NR6A1: variants seen among roughly 807,000 people sequenced by gnomAD.
NR6A1 encodes the protein retinoic acid receptor-related testis-associated receptor.
In NR6A1, 7 loss-of-function variants were observed where a neutral mutation model predicts 59.1. That is an observed-to-expected ratio of 0.12 (90% CI 0.07 to 0.22). The LOEUF (loss-of-function observed/expected upper bound fraction) is 0.22. Ranked by LOEUF, NR6A1 falls within the 10% of genes least tolerant of loss-of-function variation. The probability of loss-of-function intolerance (pLI) is 1.00; values close to 1 mark genes in which losing one functional copy is unlikely to be tolerated. For missense variants in NR6A1, 468 were observed against 611.6 expected (o/e 0.77, Z 2.48); for synonymous variants, 243 against 236.1 (o/e 1.03, Z -0.27).
chr9:124,754,829 A>G (rs1202478359), intron 1 of NR6A1, among the ~76,000 whole-genome samples: 1 of 152,118 alleles, frequency 6.6e-6, no homozygotes, highest in African/African-American at 2.4e-5. Context: ...AAACTTTTGT[A>G]AAGTAATACA....
intron 2 of NR6A1, among the ~76,000 whole-genome samples, chr9:124,656,616 G>C (rs969414035): frequency 6.6e-6 from 1 of 152,144 alleles, no homozygotes; most frequent in African/African-American, 2.4e-5. Flanking sequence ...TGGATCACTT[G>C]AGATCACGAG....
rs1833264218 is a variant in NR6A1, at chr9:124,536,258, G to T, written c.825-126C>A. On this transcript the variant is annotated intron_variant, in intron 6 of 9. Coordinates refer to ENST00000487099, the MANE Select transcript of NR6A1 (RefSeq NM_033334.4). ...ATGGGCTCCTTGCTCCATGCCCACG[G>T]GTCTCCAGTTCCATTCAGTGTGATT... 4 of 1,046,476 alleles carry T rather than the reference G, an allele frequency of 3.8e-6. No individual in the cohort carries two copies. The East Asian group carries it at 7.2e-5, about 19-fold the overall frequency. 64.8% of individuals were successfully genotyped at this position (1,046,476 alleles called of 1,614,324 possible).
intron 2 of NR6A1, among the ~76,000 whole-genome samples, chr9:124,611,516 G>C (rs1243580155): frequency 6.6e-6 from 1 of 152,020 alleles, no homozygotes; most frequent in Non-Finnish European, 1.5e-5. Context: ...CAAGAGGATT[G>C]CTTGAGGCCA....
chr9:124,607,202 G>A (rs1835599893), intron 2 of NR6A1: 1 of 152,178 alleles, frequency 6.6e-6, no homozygotes, highest in Admixed American at 6.5e-5. Flanking sequence ...CCACTCACGA[G>A]GCTGAGGCAG....
chr9:124,529,177 T>C (rs900521748), intron 7 of NR6A1, among the ~76,000 whole-genome samples: 1 of 152,252 alleles, frequency 6.6e-6, no homozygotes, highest in Non-Finnish European at 1.5e-5. Context: ...ACATTCATAT[T>C]GAATAACCAC....
chr9:124,724,144 C>T (rs569332303), intron 2 of NR6A1, among the ~76,000 whole-genome samples: 2 of 152,036 alleles, frequency 1.3e-5, no homozygotes, highest in South Asian at 4.2e-4. Context: ...GACAATGTTC[C>T]CAATGTAATA....
intron 1 of NR6A1, among the ~76,000 whole-genome samples, chr9:124,752,859 A>G (rs1048173783): frequency 6.6e-6 from 1 of 152,016 alleles, no homozygotes; most frequent in Non-Finnish European, 1.5e-5. Flanking sequence ...AAATCTCTAC[A>G]CTACTCTGGA....
intron 3 of NR6A1, among the ~76,000 whole-genome samples, chr9:124,550,123 C>T (rs1833726943): frequency 1.3e-5 from 2 of 152,050 alleles, no homozygotes; most frequent in Non-Finnish European, 2.9e-5. Flanking sequence ...ATATGTGTGA[C>T]CTTCTCAGTG....
intron 2 of NR6A1, among the ~76,000 whole-genome samples, chr9:124,703,943 A>G (rs1395067275): frequency 6.6e-6 from 1 of 152,202 alleles, no homozygotes; most frequent in Non-Finnish European, 1.5e-5. Context: ...TTCATCACCA[A>G]GTAAGCCACT....
At chr9:124,649,453 A>C (rs752082852) in intron 2 of NR6A1, among the ~76,000 whole-genome samples, 1 of 152,122 alleles carries the variant, frequency 6.6e-6, no homozygotes, top group Non-Finnish European at 1.5e-5. Flanking sequence ...AAAAAAATCA[A>C]ATCAAAATGG....
intron 8 of NR6A1, 149 bp downstream of exon 8, chr9:124,526,630 G>T: frequency 1.7e-6 from 2 of 1,159,906 alleles, no homozygotes; most frequent in Admixed American, 2.0e-5. Flanking sequence ...TGACAAGGGG[G>T]TGCACAAGTC....
chr9:124,539,095 G>T (rs1833369634), intron 5 of NR6A1, among the ~76,000 whole-genome samples: 1 of 151,926 alleles, frequency 6.6e-6, no homozygotes, highest in Admixed American at 6.6e-5. Context: ...AAAAAAGACA[G>T]AGTCTTGCCA....
At chr9:124,736,412 A>G (rs1840021423) in intron 1 of NR6A1, among the ~76,000 whole-genome samples, 1 of 151,920 alleles carries the variant, frequency 6.6e-6, no homozygotes, top group African/African-American at 2.4e-5. Flanking sequence ...CCTAGCAACC[A>G]CTCCCCACTT....
At chr9:124,605,614 A>T (rs1359690883) in intron 2 of NR6A1, among the ~76,000 whole-genome samples, 1 of 152,132 alleles carries the variant, frequency 6.6e-6, no homozygotes, top group Non-Finnish European at 1.5e-5. Context: ...CCAAATAAAC[A>T]AACAAACCCC....
At chr9:124,731,463 A>T (rs1219572883) in intron 2 of NR6A1, among the ~76,000 whole-genome samples, 1 of 152,154 alleles carries the variant, frequency 6.6e-6, no homozygotes, top group Non-Finnish European at 1.5e-5. Context: ...AAGAGAACAG[A>T]AAACACAGCT....
At chr9:124,764,261 G>A (rs938704767) in intron 1 of NR6A1, among the ~76,000 whole-genome samples, 15 of 151,988 alleles carry the variant, frequency 9.9e-5, no homozygotes, top group Admixed American at 2.0e-4. Flanking sequence ...TTCATTTTGC[G>A]GTAGATTTGT....
At chr9:124,559,786 T>TAAC (rs542953126) in intron 2 of NR6A1, among the ~76,000 whole-genome samples, 125 of 151,648 alleles carry the variant, frequency 8.2e-4, no homozygotes, top group African/African-American at 2.2e-3. Flanking sequence ...AAAAAGAAAA[T>TAAC]AATAATAATA....
intron 2 of NR6A1, among the ~76,000 whole-genome samples, chr9:124,630,155 A>G (rs1483905349): frequency 6.6e-6 from 1 of 151,920 alleles, no homozygotes; most frequent in Non-Finnish European, 1.5e-5. Context: ...TTAAACTCCT[A>G]GAAAATTATA....
rs935934687 is a variant in NR6A1 at position 124,519,404 on chromosome 9, C to A, written c.*3301G>T. ...GAATTTCTCCAGATTAACGACGAGA[C>A]CACCAAACCTTGCAAAGGACTCCAA... On this transcript the variant is annotated 3_prime_UTR_variant, in exon 10 of 10. Transcript: ENST00000487099. 21 of 152,172 alleles carry A rather than the reference C, an allele frequency of 1.4e-4. No homozygotes were observed. The highest frequency in any genetic ancestry group is 4.8e-4 in the African/African-American group (20 of 41,440). The allele number at this position is 152,172 out of a possible 1,614,324, so 9.4% of individuals were successfully genotyped here. A position where few individuals can be genotyped will look rare whatever the true frequency, so the allele number is the denominator to read the frequency against.
Sources: allele counts gnomAD v4.1 joint callset (sites outside exome capture counted in the v4.1 genomes callset), GRCh38; gene constraint gnomAD v4.1.1; transcripts MANE v1.5; gene names NCBI Gene and HGNC (gene_info 2026-07-23, HGNC 2026-07-21).